TASP1: variants seen among roughly 807,000 people sequenced by gnomAD.
TASP1 encodes the protein threonine aspartase 1.
Under a neutral mutation model 56.6 loss-of-function variants are expected in TASP1, and 16 were observed. The ratio of observed to expected loss-of-function variants is 0.28; its 90% CI spans 0.19 to 0.43. TASP1 has a LOEUF of 0.43. TASP1 is among the 20% of genes least tolerant of loss of function. The probability of loss-of-function intolerance (pLI) is 1.00; values close to 1 mark genes in which losing one functional copy is unlikely to be tolerated. For synonymous variants in TASP1, 179 were observed against 184.2 expected (o/e 0.97, Z 0.23); for missense variants, 393 against 511.6 (o/e 0.77, Z 2.24).
At chr20:13,573,164 A>G (rs1185587965) in intron 6 of TASP1, among the ~76,000 whole-genome samples, 1 of 152,252 alleles carries the variant, frequency 6.6e-6, no homozygotes, top group East Asian at 1.9e-4. Flanking sequence ...ACCAAATTAT[A>G]ACTGTTCTCT....
At chr20:13,513,456 A>G (rs1253878006) in intron 10 of TASP1, among the ~76,000 whole-genome samples, 1 of 152,054 alleles carries the variant, frequency 6.6e-6, no homozygotes, top group Non-Finnish European at 1.5e-5. Context: ...GGGGAGACAG[A>G]GAGGGAGAAT....
the TASP1 span, among the ~76,000 whole-genome samples, chr20:13,362,096 C>T: frequency 1.3e-5 from 2 of 150,072 alleles, no homozygotes; most frequent in South Asian, 4.2e-4. Flanking sequence ...CTCTAGGTTC[C>T]CACGCCGCCC....
intron 2 of TASP1, among the ~76,000 whole-genome samples, chr20:13,627,776 T>C (rs896280867): frequency 2.0e-5 from 3 of 148,796 alleles, no homozygotes; most frequent in Non-Finnish European, 4.4e-5. Flanking sequence ...ATTCTGAGCC[T>C]TGAAAGGAAT....
chr20:13,527,171 G>A (rs1388947987), intron 10 of TASP1, among the ~76,000 whole-genome samples: 5 of 152,088 alleles, frequency 3.3e-5, no homozygotes, highest in African/African-American at 1.2e-4. Context: ...GATGGAACAG[G>A]TCAGAGAGGC....
At chr20:13,512,253 C>T (rs917190627) in intron 10 of TASP1, among the ~76,000 whole-genome samples, 4 of 152,152 alleles carry the variant, frequency 2.6e-5, no homozygotes, top group East Asian at 1.9e-4. Context: ...TTCTCCACAT[C>T]CTCTCCAGCA....
chr20:13,544,562 G>A (rs1022070926), intron 8 of TASP1, among the ~76,000 whole-genome samples: 7 of 152,108 alleles, frequency 4.6e-5, no homozygotes, highest in South Asian at 2.1e-4. Flanking sequence ...CTAACATACC[G>A]ACTAATAGGA....
intron 13 of TASP1, among the ~76,000 whole-genome samples, chr20:13,394,331 C>T (rs2041430098): frequency 7.9e-6 from 1 of 127,342 alleles, no homozygotes; most frequent in East Asian, 2.1e-4. Context: ...AAAAAAAAGG[C>T]CTGGTGCGGT....
At chr20:13,199,662 C>T in the TASP1 span, among the ~76,000 whole-genome samples, 3 of 152,172 alleles carry the variant, frequency 2.0e-5, no homozygotes, top group Non-Finnish European at 4.4e-5. Flanking sequence ...ATGTTTAAAA[C>T]TGACTGTGTA....
intron 10 of TASP1, among the ~76,000 whole-genome samples, chr20:13,501,532 T>C (rs1358099293): frequency 6.6e-6 from 1 of 151,986 alleles, no homozygotes; most frequent in Non-Finnish European, 1.5e-5. Flanking sequence ...TGATGTATAT[T>C]ATAATTCCCT....
At chr20:13,303,293 T>A in the TASP1 span, among the ~76,000 whole-genome samples, 1 of 152,154 alleles carries the variant, frequency 6.6e-6, no homozygotes, top group African/African-American at 2.4e-5. Context: ...TTTGCTTAGA[T>A]TGTTCAAAGA....
At chr20:13,572,398 T>C (rs1168278610) in intron 6 of TASP1, among the ~76,000 whole-genome samples, 1 of 152,084 alleles carries the variant, frequency 6.6e-6, no homozygotes, top group Non-Finnish European at 1.5e-5. Flanking sequence ...TAATTAAAAC[T>C]CTCAGCTGGA....
chr20:13,408,071 T>C (rs866222953), intron 13 of TASP1, among the ~76,000 whole-genome samples: 2 of 152,180 alleles, frequency 1.3e-5, no homozygotes, highest in Non-Finnish European at 2.9e-5. Context: ...ATTTTTATGA[T>C]GACCTATTTA....
intron 11 of TASP1, among the ~76,000 whole-genome samples, chr20:13,437,402 G>T (rs1248045854): frequency 3.9e-5 from 6 of 152,100 alleles, no homozygotes; most frequent in Non-Finnish European, 7.4e-5. Context: ...AGCCAATATT[G>T]TACTGAATGG....
chr20:13,592,234 TA>T (rs1301973967), intron 4 of TASP1, among the ~76,000 whole-genome samples: 2 of 151,290 alleles, frequency 1.3e-5, no homozygotes, highest in East Asian at 3.9e-4. Context: ...CTGTCTCTAT[TA>T]AAAATAAAAA....
chr20:13,466,862 C>T (rs1414735387), intron 11 of TASP1, among the ~76,000 whole-genome samples: 2 of 152,144 alleles, frequency 1.3e-5, no homozygotes, highest in Admixed American at 1.3e-4. Flanking sequence ...TGGCAGCTCA[C>T]ATGTGTACAG....
the TASP1 span, among the ~76,000 whole-genome samples, chr20:13,150,103 T>C: frequency 1.3e-5 from 2 of 152,210 alleles, no homozygotes; most frequent in Admixed American, 6.5e-5. Context: ...TTGATTTCCA[T>C]CACCTTTAAA....
the TASP1 span, among the ~76,000 whole-genome samples, chr20:13,124,707 C>T: frequency 2.0e-5 from 3 of 152,108 alleles, no homozygotes; most frequent in Non-Finnish European, 4.4e-5. Context: ...GTAAGGCAGG[C>T]CACACACTGT....
chr20:13,594,604 T>C (rs942779760), intron 4 of TASP1, among the ~76,000 whole-genome samples: 2 of 151,804 alleles, frequency 1.3e-5, no homozygotes, highest in East Asian at 1.9e-4. Context: ...GCTGATTCAA[T>C]CAAGTGGAAA....
intron 12 of TASP1, among the ~76,000 whole-genome samples, chr20:13,421,073 T>C (rs1228882781): frequency 1.3e-5 from 2 of 151,798 alleles, no homozygotes; most frequent in African/African-American, 4.8e-5. Flanking sequence ...ATCAATATAT[T>C]TGACTAGTTA....
Sources: gnomAD v4.1 joint callset for allele counts (sites outside exome capture counted in the v4.1 genomes callset) on GRCh38, gnomAD v4.1.1 for gene constraint, MANE v1.5 for transcripts, NCBI Gene and HGNC (gene_info 2026-07-23, HGNC 2026-07-21) for gene names.